ETV1: variants seen among roughly 807,000 people sequenced by gnomAD.
ETV1 encodes the protein ETS translocation variant 1.
In ETV1, 27 loss-of-function variants were observed where a neutral mutation model predicts 62.3. The ratio of observed to expected loss-of-function variants is 0.43; its 90% confidence interval spans 0.32 to 0.60. ETV1 has a LOEUF of 0.60. Among genes scored for constraint, ETV1 ranks in the 20% least tolerant of loss-of-function variants. The probability of loss-of-function intolerance (pLI) is 0.06; values close to 1 mark genes in which losing one functional copy is unlikely to be tolerated. For synonymous variants in ETV1, 222 were observed against 199.6 expected (o/e 1.11, Z -0.94); for missense variants, 605 against 605.8 (o/e 1.00, Z 0.01).
At chr7:13,910,192 C>A (rs1299620284) in intron 10 of ETV1, among the ~76,000 whole-genome samples, 2 of 146,524 alleles carry the variant, frequency 1.4e-5, no homozygotes, top group African/African-American at 5.1e-5. Context: ...CCTTCCTGTA[C>A]TCAATTAGCA....
At chr7:13,982,570 T>C (rs1317227446) in intron 5 of ETV1, among the ~76,000 whole-genome samples, 2 of 152,040 alleles carry the variant, frequency 1.3e-5, no homozygotes, top group Admixed American at 1.3e-4. Context: ...CTTTCTCTCA[T>C]ATTTTAGATT....
chr7:13,990,964 A>G (rs114212684), upstream of ETV1, among the ~76,000 whole-genome samples: 1,258 of 152,228 alleles, frequency 8.3e-3, 21 homozygotes, highest in African/African-American at 0.029. Flanking sequence ...ACAGCACTCA[A>G]CCCCGGACCT....
chr7:13,988,099 A>G lies in ETV1; in HGVS notation c.120T>C (p.Ala40=). The G allele has an allele frequency of 6.2e-7, 1 of 1,610,536 alleles. No homozygotes were observed. Among genetic ancestry groups the G allele is most frequent in the Non-Finnish European group, 8.5e-7 (1 of 1,176,776 alleles). The change falls in exon 4 of 14, where the codon GCT becomes GCC. Residue 40 remains alanine, a synonymous_variant. Coordinates refer to ENST00000430479, the MANE Select transcript of ETV1 (RefSeq NM_004956.5). ...RKRKFINRDL[A]HDSEELFQDL... is the part of the protein sequence containing the mutation. ...ATCAAACCTCACCTTCTGAATCATG[A>G]GCCAGATCTCTGTTAATGAATTTTC...
At chr7:13,988,242 G>GCACACACA in intron 3 of ETV1, 69 bp from the exon 4 acceptor site, 1 of 724,070 alleles carries the variant, frequency 1.4e-6, no homozygotes, top group South Asian at 1.5e-5. Context: ...ACACGCGCGC[G>GCACACACA]CACACACACA....
At chr7:13,896,784 G>GAAAGAA (rs1047077715) in intron 13 of ETV1, among the ~76,000 whole-genome samples, 3 of 151,016 alleles carry the variant, frequency 2.0e-5, no homozygotes, top group African/African-American at 7.3e-5. Flanking sequence ...AAGAAAGAAA[G>GAAAGAA]AAAGAAAGGA....
intron 4 of ETV1, chr7:13,987,019 C>T (rs1374558432): frequency 9.1e-5 from 21 of 230,222 alleles, no homozygotes; most frequent in Non-Finnish European, 1.7e-5. Context: ...TCACTGAAAT[C>T]TTCCTTAAAT....
At chr7:13,977,266 G>A (rs1781542307) in intron 6 of ETV1, among the ~76,000 whole-genome samples, 161 bp downstream of exon 6, 1 of 152,196 alleles carries the variant, frequency 6.6e-6, no homozygotes, top group African/African-American at 2.4e-5. Context: ...TTCTGCTGAT[G>A]TCACAACCTA....
At chr7:13,986,608 T>TC in intron 5 of ETV1, 30 bp downstream of exon 5, 2 of 1,610,780 alleles carry the variant, frequency 1.2e-6, no homozygotes. Flanking sequence ...AGAGTTGCTT[T>TC]CCCCCCTTTT....
At chr7:13,956,759 G>A (rs183043907) in intron 6 of ETV1, among the ~76,000 whole-genome samples, 1 of 152,136 alleles carries the variant, frequency 6.6e-6, no homozygotes, top group South Asian at 2.1e-4. Context: ...CTTGCACAAT[G>A]CAAGTCTTTA....
intron 13 of ETV1, among the ~76,000 whole-genome samples, chr7:13,899,136 G>A (rs762831415): frequency 2.0e-5 from 3 of 152,088 alleles, no homozygotes; most frequent in Non-Finnish European, 4.4e-5. Flanking sequence ...TACTGCCCGG[G>A]GACACTGCTG....
chr7:13,935,678 G>A, intron 8 of ETV1, 30 bp downstream of exon 8: 2 of 1,594,440 alleles, frequency 1.3e-6, no homozygotes, highest in Non-Finnish European at 1.7e-6. Flanking sequence ...GCAAAAAACA[G>A]TTTCTAGAAA....
intron 5 of ETV1, chr7:13,986,435 G>A: frequency 6.7e-7 from 1 of 1,490,342 alleles, no homozygotes; most frequent in South Asian, 1.4e-5. Context: ...ATTTCTCCTG[G>A]TAATTTGTGA....
chr7:13,982,672 T>A (rs1403885082), intron 5 of ETV1, among the ~76,000 whole-genome samples: 1 of 152,052 alleles, frequency 6.6e-6, no homozygotes, highest in African/African-American at 2.4e-5. Context: ...TAAGAGATTA[T>A]ATGGAGTTCT....
intron 13 of ETV1, among the ~76,000 whole-genome samples, chr7:13,896,395 GA>G (rs1430607443): frequency 2.0e-5 from 3 of 151,924 alleles, no homozygotes; most frequent in Non-Finnish European, 4.4e-5. Context: ...TCGTTGTTTT[GA>G]AAAAAAGTCA....
At position 13,911,321 on chromosome 7, in the gene ETV1, C is replaced by T; in HGVS notation, c.803-14G>A. 6.3e-7 allele frequency: 1 copy of T among 1,596,130 alleles called. No homozygotes were observed. The highest frequency in any genetic ancestry group is 8.6e-7 in the Non-Finnish European group (1 of 1,165,276). Reference sequence around the variant, plus strand: ...AGCTAGGCACTTCTGAAAGAGGAAACAATATTGGTCAAAAAGAGTCTGGAG... The same window carrying T: ...AGCTAGGCACTTCTGAAAGAGGAAATAATATTGGTCAAAAAGAGTCTGGAG... On this transcript the variant is annotated splice_polypyrimidine_tract_variant and intron_variant, in intron 9 of 13. Transcript: ENST00000430479.
chr7:13,929,154 T>C (rs1476842518), intron 9 of ETV1, among the ~76,000 whole-genome samples: 1 of 152,148 alleles, frequency 6.6e-6, no homozygotes, highest in Admixed American at 6.5e-5. Flanking sequence ...GGATTTGAAA[T>C]TTACAGAGAT....
At chr7:13,912,242 GA>G (rs1297139626) in intron 9 of ETV1, among the ~76,000 whole-genome samples, 4 of 152,208 alleles carry the variant, frequency 2.6e-5, no homozygotes, top group Non-Finnish European at 4.4e-5. Context: ...CAGAGTGGGA[GA>G]AAAGGAGGGA....
intron 13 of ETV1, among the ~76,000 whole-genome samples, chr7:13,896,769 A>AAAGAAAGAAAGAAAG (rs1562578157): frequency 6.8e-6 from 1 of 147,104 alleles, no homozygotes; most frequent in Non-Finnish European, 1.5e-5. Context: ...AGAAAGAAAG[A>AAAGAAAGAAAGAAAG]AAGAAAGAAA....
chr7:13,903,707 G>A (rs191030046), intron 12 of ETV1, among the ~76,000 whole-genome samples: 99 of 148,174 alleles, frequency 6.7e-4, no homozygotes, highest in Non-Finnish European at 1.1e-3. Context: ...AGATTGCAGT[G>A]AGCCAAGGTC....
Sources: gnomAD v4.1 joint callset for allele counts (sites outside exome capture counted in the v4.1 genomes callset) on GRCh38, gnomAD v4.1.1 for gene constraint, MANE v1.5 for transcripts, NCBI Gene and HGNC (gene_info 2026-07-23, HGNC 2026-07-21) for gene names.